The following UNC5D variants were observed in gnomAD, a reference collection of about 807,000 sequenced individuals.
The protein encoded by UNC5D is netrin receptor UNC5D.
Under a neutral mutation model 105.4 loss-of-function variants are expected in UNC5D, and 39 were observed. The ratio of observed to expected loss-of-function variants is 0.37; its 90% CI spans 0.29 to 0.48. UNC5D has a LOEUF of 0.48. Ranked by LOEUF, UNC5D falls within the 20% of genes least tolerant of loss-of-function variation. UNC5D has a pLI of 0.98. For synonymous variants in UNC5D, 452 were observed against 450.4 expected (o/e 1.00, Z -0.04); for missense variants, 991 against 1,202.4 (o/e 0.82, Z 2.60).
At chr8:35,364,887 C>G (rs959888796) in intron 1 of UNC5D, among the ~76,000 whole-genome samples, 3 of 152,150 alleles carry the variant, frequency 2.0e-5, no homozygotes. Context: ...ATTGAAATTT[C>G]TAACCCATAC....
At chr8:35,252,803 A>G (rs1191705275) in intron 1 of UNC5D, among the ~76,000 whole-genome samples, 1 of 152,132 alleles carries the variant, frequency 6.6e-6, no homozygotes. Context: ...TTGAAGATGA[A>G]CATGCTATCT....
At chr8:35,445,672 G>A (rs1807731178) in intron 1 of UNC5D, among the ~76,000 whole-genome samples, 2 of 152,076 alleles carry the variant, frequency 1.3e-5, no homozygotes, top group African/African-American at 2.4e-5. Flanking sequence ...GTAGTCTAAA[G>A]TGTAGTCCCT....
At chr8:35,727,456 C>G (rs1363166041) in intron 10 of UNC5D, 1 of 152,140 alleles carries the variant, frequency 6.6e-6, no homozygotes, top group African/African-American at 2.4e-5. Flanking sequence ...TCAAATCGAG[C>G]ATTTCATTCC....
intron 6 of UNC5D, among the ~76,000 whole-genome samples, chr8:35,685,444 C>T (rs1825944442): frequency 6.6e-6 from 1 of 151,900 alleles, no homozygotes; most frequent in South Asian, 2.1e-4. Context: ...ATAAATTGAC[C>T]CTGGGTCTCA....
intron 8 of UNC5D, among the ~76,000 whole-genome samples, 197 bp from the exon 9 acceptor site, chr8:35,722,013 A>C (rs1476648592): frequency 6.6e-6 from 1 of 152,262 alleles, no homozygotes; most frequent in Non-Finnish European, 1.5e-5. Flanking sequence ...TTTGCCTAGC[A>C]TCCCTTTGAT....
chr8:35,605,844 T>C (rs1037605661), intron 4 of UNC5D, among the ~76,000 whole-genome samples: 1 of 152,242 alleles, frequency 6.6e-6, no homozygotes, highest in African/African-American at 2.4e-5. Context: ...AAACATTAAC[T>C]AAAATGGAGC....
Position 35,791,396 on chromosome 8 carries a change from G to A in UNC5D, c.*833G>A, listed in dbSNP as rs555244067. ...AATTGCTGAGTGCTATTAGAACACA[G>A]CTTATTACATGGATATGGGGACAGG... On this transcript the variant is annotated 3_prime_UTR_variant, in exon 17 of 17. Coordinates refer to ENST00000404895, the MANE Select transcript of UNC5D (RefSeq NM_080872.4). 1.3e-5 allele frequency: 2 copies of A among 152,158 alleles called. No individual in the cohort carries two copies. The highest frequency in any genetic ancestry group is 2.9e-5 in the Non-Finnish European group (2 of 68,052). The allele number at this position is 152,158 out of a possible 1,614,324, so 9.4% of individuals were successfully genotyped here.
At chr8:35,732,243 T>C (rs1051182240) in intron 11 of UNC5D, among the ~76,000 whole-genome samples, 2 of 152,174 alleles carry the variant, frequency 1.3e-5, no homozygotes, top group African/African-American at 4.8e-5. Flanking sequence ...TTGTTGGTAC[T>C]CAATGGTTTT....
At chr8:35,382,048 T>G (rs551205573) in intron 1 of UNC5D, among the ~76,000 whole-genome samples, 1 of 152,340 alleles carries the variant, frequency 6.6e-6, no homozygotes, top group Non-Finnish European at 1.5e-5. Context: ...CATTTGCCTT[T>G]TGGGATTTAA....
intron 4 of UNC5D, among the ~76,000 whole-genome samples, chr8:35,664,624 C>T (rs929916424): frequency 6.6e-6 from 1 of 152,038 alleles, no homozygotes; most frequent in Non-Finnish European, 1.5e-5. Flanking sequence ...GGGGATCCAC[C>T]CGCCTCAGCC....
chr8:35,651,564 T>A (rs1823403858), intron 4 of UNC5D, among the ~76,000 whole-genome samples: 1 of 152,162 alleles, frequency 6.6e-6, no homozygotes, highest in African/African-American at 2.4e-5. Flanking sequence ...ATAAGAAAAT[T>A]CACAAAACAG....
chr8:35,302,767 A>G (rs1364560271), intron 1 of UNC5D, among the ~76,000 whole-genome samples: 1 of 152,212 alleles, frequency 6.6e-6, no homozygotes, highest in Non-Finnish European at 1.5e-5. Context: ...GGTATTAAAT[A>G]TTGCACAAGA....
intron 1 of UNC5D, among the ~76,000 whole-genome samples, chr8:35,283,920 G>T (rs549408761): frequency 1.3e-5 from 2 of 152,112 alleles, no homozygotes; most frequent in African/African-American, 4.8e-5. Context: ...CACAGCCAAG[G>T]TTGAGATCTA....
chr8:35,595,994 A>C (rs573539626), intron 4 of UNC5D, among the ~76,000 whole-genome samples: 4 of 152,204 alleles, frequency 2.6e-5, no homozygotes, highest in Admixed American at 6.5e-5. Context: ...CTTATGGAAC[A>C]AATCTGAGCT....
At chr8:35,502,040 T>G (rs1056181193) in intron 1 of UNC5D, among the ~76,000 whole-genome samples, 1 of 152,364 alleles carries the variant, frequency 6.6e-6, no homozygotes, top group East Asian at 1.9e-4. Flanking sequence ...GATGATGCAT[T>G]GTTTTCAGCT....
chr8:35,627,658 G>A (rs2958256), intron 4 of UNC5D, among the ~76,000 whole-genome samples: 14,580 of 152,200 alleles, frequency 0.096, 726 homozygotes, highest in Non-Finnish European at 0.1. Flanking sequence ...ACTGGGCGCG[G>A]TGGCTCACGT....
rs1232116010 is a variant in UNC5D, at chr8:35,295,651, ATCACCTTGCATAG to A, written c.103+59768_103+59780del. 1.5e-4 allele frequency among the ~76,000 whole-genome samples: 23 copies of A among 152,306 alleles called. No individual in the cohort carries two copies. The East Asian group carries it at 4.4e-3, about 29-fold the overall frequency. On this transcript the variant is annotated intron_variant, in intron 1 of 16. Coordinates refer to ENST00000404895, the MANE Select transcript of UNC5D (RefSeq NM_080872.4). ...TACAATCAAGTCAGTTAATACATCC[ATCACCTTGCATAG>A]TCAGCTTTTTTTGTAGGTGTGGTGA...
At chr8:35,383,313 A>G (rs1277551371) in intron 1 of UNC5D, among the ~76,000 whole-genome samples, 1 of 152,166 alleles carries the variant, frequency 6.6e-6, no homozygotes, top group Non-Finnish European at 1.5e-5. Flanking sequence ...ATATTCTAGT[A>G]TAAAAAAAAT....
At chr8:35,445,292 G>A (rs970178326) in intron 1 of UNC5D, among the ~76,000 whole-genome samples, 37 of 152,004 alleles carry the variant, frequency 2.4e-4, no homozygotes, top group African/African-American at 6.7e-4. Flanking sequence ...AACTACAAAG[G>A]AATTGAAAAG....
Sources: allele counts gnomAD v4.1 joint callset (sites outside exome capture counted in the v4.1 genomes callset), GRCh38; gene constraint gnomAD v4.1.1; transcripts MANE v1.5; gene names NCBI Gene and HGNC (gene_info 2026-07-23, HGNC 2026-07-21).